PARD3B: variants seen among roughly 807,000 people sequenced by gnomAD.
PARD3B encodes partitioning defective 3 homolog B.
A neutral mutation model predicts 130.2 loss-of-function variants in PARD3B; 103 were observed. That is an observed-to-expected ratio of 0.79 (90% CI 0.67 to 0.93). The LOEUF (loss-of-function observed/expected upper bound fraction) is 0.93, where lower values mean the gene tolerates loss of function less well. Ranked by LOEUF, PARD3B falls within the 40% of genes least tolerant of loss-of-function variation. The pLI is 0.00. For synonymous variants in PARD3B, 583 were observed against 553.2 expected, an observed-to-expected ratio of 1.05 and a Z score of -0.76; for missense variants, 1,609 against 1,499.2, an observed-to-expected ratio of 1.07 and a Z score of -1.21.
In PARD3B at chr2:205,401,152, T is replaced by C. The variant is rs754961289; in HGVS notation, c.2741+29T>C. On this transcript the variant is annotated intron_variant, in intron 19 of 22. Transcript: ENST00000406610. ...AGCAGAAGTGCCGAGACCTTCATTTTCTTTGACTCTATGGTCTGGGTTTAA... is the reference window on the plus strand; with the variant it reads ...AGCAGAAGTGCCGAGACCTTCATTTCCTTTGACTCTATGGTCTGGGTTTAA... 6.7e-6 allele frequency: 10 copies of C among 1,502,954 alleles called. No homozygotes were observed. The South Asian group carries it at 1.2e-4, about 18-fold the overall frequency. The allele number at this position is 1,502,954 out of a possible 1,614,324, so 93.1% of individuals were successfully genotyped here.
chr2:204,869,444 A>G (rs2045552744), intron 2 of PARD3B, among the ~76,000 whole-genome samples: 1 of 152,116 alleles, frequency 6.6e-6, no homozygotes, highest in African/African-American at 2.4e-5. Flanking sequence ...ATGATCTTTC[A>G]TGTAAAAAAG....
intron 4 of PARD3B, among the ~76,000 whole-genome samples, chr2:205,102,385 A>G (rs898803440): frequency 3.3e-5 from 5 of 151,614 alleles, no homozygotes; most frequent in African/African-American, 9.7e-5. Context: ...ATATCCTGAC[A>G]TACATGATAA....
chr2:204,882,332 A>G (rs1006505353), intron 2 of PARD3B, among the ~76,000 whole-genome samples: 2 of 152,194 alleles, frequency 1.3e-5, no homozygotes, highest in Admixed American at 6.5e-5. Flanking sequence ...AATTCTTTAA[A>G]TATTTTTTCT....
intron 2 of PARD3B, among the ~76,000 whole-genome samples, chr2:204,885,280 T>G (rs113422977): frequency 0.069 from 10,459 of 152,286 alleles, 791 homozygotes; most frequent in African/African-American, 0.19. Context: ...TATCTTCTTT[T>G]GAAAAGTGTC....
chr2:205,160,898 C>T lies in PARD3B; in HGVS notation c.1620+1991C>T, dbSNP rs1350622711. Among the ~76,000 whole-genome samples the T allele has an allele frequency of 6.6e-6, 1 of 152,140 alleles. No homozygotes were observed. Among genetic ancestry groups the T allele is most frequent in the African/African-American group, 2.4e-5 (1 of 41,432 alleles). ...GTCTGACTCCAGAACCTGCGTTATGCTGCACTGAAATGAAGCTCTTCCATA... is the reference window on the plus strand; with the variant it reads ...GTCTGACTCCAGAACCTGCGTTATGTTGCACTGAAATGAAGCTCTTCCATA... On this transcript the variant is annotated intron_variant, in intron 11 of 22. Transcript: ENST00000406610. This position sits in a 1 kb window ranked among gnomAD's most constrained non-coding sequence, Gnocchi z 4.0.
chr2:205,217,881 T>C, intron 15 of PARD3B, among the ~76,000 whole-genome samples: 1 of 96,382 alleles, frequency 1.0e-5, no homozygotes, highest in Non-Finnish European at 2.0e-5. Flanking sequence ...TATATATATA[T>C]ATATATATAT....
chr2:204,977,344 G>A lies in PARD3B; in HGVS notation c.394+12021G>A, dbSNP rs190520258. On this transcript the variant is annotated intron_variant, in intron 3 of 22. Coordinates refer to ENST00000406610, the MANE Select transcript of PARD3B (RefSeq NM_001302769.2). ...ATGTTTGACAGTCCATTTTTACAGG[G>A]AATAGGAATTTGTTTTTAATGTTGT... Among the ~76,000 whole-genome samples the A allele has an allele frequency of 9.3e-4, 142 of 152,236 alleles. 1 individual carries two copies. The highest frequency in any genetic ancestry group is 3.3e-3 in the African/African-American group (137 of 41,544).
At position 205,578,563 on chromosome 2, in the gene PARD3B, G is replaced by C. The variant is rs150709988; in HGVS notation, c.3260+25160G>C. ...ATAAATAAAACATGTATCCTTACAA[G>C]ATAAAGTAATATAAGCCAGAATCAT... is the stretch of plus-strand genomic sequence containing the variant. On this transcript the variant is annotated intron_variant, in intron 22 of 22. Transcript: ENST00000406610. Among the ~76,000 whole-genome samples the C allele has an allele frequency of 9.9e-5, 15 of 152,230 alleles. No homozygotes were observed. In the East Asian group the frequency reaches 2.3e-3, roughly 23 times the overall value.
intron 4 of PARD3B, among the ~76,000 whole-genome samples, chr2:205,077,113 G>C (rs1447052528): frequency 6.6e-6 from 1 of 151,980 alleles, no homozygotes; most frequent in African/African-American, 2.4e-5. Context: ...TCTATATATA[G>C]ATATAAACAA....
intron 22 of PARD3B, among the ~76,000 whole-genome samples, chr2:205,600,452 C>T (rs769537453): frequency 2.6e-5 from 4 of 152,170 alleles, no homozygotes; most frequent in Non-Finnish European, 5.9e-5. Context: ...AAAAATCACA[C>T]TCTTTGTTGT....
At chr2:204,720,095 C>G (rs2038926167) in intron 2 of PARD3B, among the ~76,000 whole-genome samples, 1 of 152,064 alleles carries the variant, frequency 6.6e-6, no homozygotes, top group Non-Finnish European at 1.5e-5. Flanking sequence ...AGAATATAGT[C>G]AACTCTGTTA....
At chr2:205,049,792 C>T (rs545416334) in intron 4 of PARD3B, among the ~76,000 whole-genome samples, 2 of 152,274 alleles carry the variant, frequency 1.3e-5, no homozygotes, top group East Asian at 3.9e-4. Context: ...TTGTGCCTTA[C>T]TTATGCAAGT....
At chr2:205,557,777 G>C (rs1354613225) in intron 22 of PARD3B, among the ~76,000 whole-genome samples, 1 of 152,080 alleles carries the variant, frequency 6.6e-6, no homozygotes, top group Non-Finnish European at 1.5e-5. Flanking sequence ...GAAGAAATGT[G>C]CCTTCCTGTA....
At position 205,289,970 on chromosome 2, in the gene PARD3B, T is replaced by A. The variant is rs369475195; in HGVS notation, c.2186-10560T>A. Among the ~76,000 whole-genome samples the A allele has an allele frequency of 8.9e-4, 136 of 152,288 alleles. 1 individual carries two copies. The highest frequency in any genetic ancestry group is 3.2e-3 in the African/African-American group (133 of 41,560). ...AAATCAATTTCTTTTCTTTATACAT[T>A]ACCCATTCTCAGGTATTCAGTTATA... On this transcript the variant is annotated intron_variant, in intron 16 of 22. Transcript: ENST00000406610.
chr2:204,798,407 C>G (rs373181491), intron 2 of PARD3B, among the ~76,000 whole-genome samples: 3 of 152,180 alleles, frequency 2.0e-5, no homozygotes, highest in East Asian at 1.9e-4. Flanking sequence ...CCAGCCCCCC[C>G]ACAGCAGGCT....
intron 1 of PARD3B, among the ~76,000 whole-genome samples, chr2:204,628,364 G>A (rs1010614693): frequency 6.6e-6 from 1 of 151,750 alleles, no homozygotes; most frequent in African/African-American, 2.4e-5. Flanking sequence ...TAATATGCAT[G>A]GGCAAGTAGG....
intron 2 of PARD3B, among the ~76,000 whole-genome samples, chr2:204,732,386 C>A (rs2039553387): frequency 6.6e-6 from 1 of 152,172 alleles, no homozygotes; most frequent in Admixed American, 6.5e-5. Flanking sequence ...TCTGGACATT[C>A]TCAGTGCCTT....
At chr2:204,653,774 A>G (rs1227790370) in intron 1 of PARD3B, among the ~76,000 whole-genome samples, 1 of 144,242 alleles carries the variant, frequency 6.9e-6, no homozygotes, top group Non-Finnish European at 1.5e-5. Flanking sequence ...TGATGGAGCA[A>G]GACTCTGTCT....
intron 19 of PARD3B, among the ~76,000 whole-genome samples, chr2:205,434,578 C>A (rs1023170306): frequency 1.3e-5 from 2 of 151,958 alleles, no homozygotes; most frequent in Admixed American, 6.6e-5. Context: ...GAAGAGGAGA[C>A]AAAGAATTGT....
Sources: gnomAD v4.1 joint callset for allele counts (sites outside exome capture counted in the v4.1 genomes callset) on GRCh38, gnomAD v4.1.1 for gene constraint, Gnocchi (gnomAD v3.1) non-coding constraint, MANE v1.5 for transcripts, NCBI Gene and HGNC (gene_info 2026-07-23, HGNC 2026-07-21) for gene names.